The following LSAMP variants were observed in gnomAD, a reference collection of about 807,000 sequenced individuals.
The protein encoded by LSAMP is limbic system-associated membrane protein.
LSAMP carries 7 observed loss-of-function variants against 38.6 expected under a neutral mutation model. The observed-to-expected ratio is 0.18, with a 90% CI of 0.10 to 0.34. The LOEUF (loss-of-function observed/expected upper bound fraction) is 0.34, where lower values mean the gene tolerates loss of function less well. Among genes scored for constraint, LSAMP ranks in the 10% least tolerant of loss-of-function variants. LSAMP has a pLI of 1.00. For synonymous variants in LSAMP, 154 were observed against 166.8 expected, an observed-to-expected ratio of 0.92 and a Z score of 0.59; for missense variants, 313 against 420.0, an observed-to-expected ratio of 0.75 and a Z score of 2.23.
At chr3:116,101,729 CA>C (rs1202224591) in intron 1 of LSAMP, among the ~76,000 whole-genome samples, 1 of 152,020 alleles carries the variant, frequency 6.6e-6, no homozygotes, top group African/African-American at 2.4e-5. Context: ...ATACAATATG[CA>C]GGGGAAACTG....
At chr3:115,977,340 ATAT>A (rs1939218656) in intron 3 of LSAMP, among the ~76,000 whole-genome samples, 1 of 152,214 alleles carries the variant, frequency 6.6e-6, no homozygotes, top group African/African-American at 2.4e-5. Context: ...CTCTGAAGAA[ATAT>A]TATAGGGTTA....
intron 1 of LSAMP, among the ~76,000 whole-genome samples, chr3:116,351,764 C>T (rs1194055344): frequency 6.6e-6 from 1 of 152,100 alleles, no homozygotes; most frequent in African/African-American, 2.4e-5. Flanking sequence ...TCCCTTCAAA[C>T]TAGCTGGCTC....
chr3:115,830,664 G>A (rs1291142512), intron 6 of LSAMP, among the ~76,000 whole-genome samples: 1 of 152,132 alleles, frequency 6.6e-6, no homozygotes, highest in Non-Finnish European at 1.5e-5. Context: ...AAATACTGTT[G>A]TATTAAGGAG....
chr3:115,833,433 T>C (rs1934684477), intron 6 of LSAMP, among the ~76,000 whole-genome samples: 1 of 152,010 alleles, frequency 6.6e-6, no homozygotes, highest in Non-Finnish European at 1.5e-5. Context: ...GTCCTCTTTT[T>C]AAAATTTGAT....
intron 3 of LSAMP, among the ~76,000 whole-genome samples, chr3:115,931,540 G>A (rs1937580647): frequency 6.6e-6 from 1 of 152,158 alleles, no homozygotes; most frequent in Non-Finnish European, 1.5e-5. Flanking sequence ...GGGTCAGAGA[G>A]GGTCCTGTTT....
rs1940188115 is a variant in LSAMP at position 116,007,262 on chromosome 3, G to A, written c.514+12253C>T. 2.7e-5 allele frequency among the ~76,000 whole-genome samples: 4 copies of A among 150,740 alleles called. No individual in the cohort carries two copies. In the Middle Eastern group the frequency reaches 0.01, roughly 387 times the overall value. On this transcript the variant is annotated intron_variant, in intron 3 of 6. Coordinates refer to ENST00000490035, the MANE Select transcript of LSAMP (RefSeq NM_002338.5). ...GATGCATGAAATGAAACGAAGGCAG[G>A]TGACACATAAAGGAAATGACAAGGT...
At chr3:116,094,340 G>C (rs966118919) in intron 1 of LSAMP, among the ~76,000 whole-genome samples, 1 of 152,086 alleles carries the variant, frequency 6.6e-6, no homozygotes, top group Non-Finnish European at 1.5e-5. Context: ...CCTGACCTCT[G>C]GTTGGACCCC....
chr3:115,868,277 G>A (rs774287630), intron 3 of LSAMP, among the ~76,000 whole-genome samples: 1 of 152,106 alleles, frequency 6.6e-6, no homozygotes, highest in Non-Finnish European at 1.5e-5. Context: ...GATGGGACTA[G>A]TTAGCCATTG....
At chr3:116,004,742 G>T (rs1396604911) in intron 3 of LSAMP, among the ~76,000 whole-genome samples, 3 of 151,958 alleles carry the variant, frequency 2.0e-5, no homozygotes, top group Non-Finnish European at 4.4e-5. Context: ...GGAAACAAAT[G>T]AATATGGAAT....
chr3:116,038,916 A>G (rs974505860), intron 2 of LSAMP, among the ~76,000 whole-genome samples: 1 of 152,204 alleles, frequency 6.6e-6, no homozygotes, highest in African/African-American at 2.4e-5. Flanking sequence ...TACCAACCTT[A>G]AGGCAGCATT....
At chr3:116,241,050 G>A (rs1035020153) in intron 1 of LSAMP, among the ~76,000 whole-genome samples, 7 of 151,984 alleles carry the variant, frequency 4.6e-5, no homozygotes, top group Non-Finnish European at 8.8e-5. Flanking sequence ...GGTGGCGCAT[G>A]CCTGTAGTCC....
chr3:116,378,992 C>A (rs2048524793), intron 1 of LSAMP, among the ~76,000 whole-genome samples: 1 of 46,000 alleles, frequency 2.2e-5, no homozygotes, highest in South Asian at 1.5e-3. Context: ...GCTCAGAACA[C>A]ACACACACAC....
At chr3:115,931,696 G>A (rs1415355605) in intron 3 of LSAMP, among the ~76,000 whole-genome samples, 1 of 152,100 alleles carries the variant, frequency 6.6e-6, no homozygotes, top group African/African-American at 2.4e-5. Flanking sequence ...CTATTCTTTG[G>A]AGCACTTAGC....
At chr3:116,164,181 G>T (rs1709973984) in intron 1 of LSAMP, among the ~76,000 whole-genome samples, 1 of 151,984 alleles carries the variant, frequency 6.6e-6, no homozygotes, top group African/African-American at 2.4e-5. Flanking sequence ...TTAAATTCCT[G>T]TCCTATTTAT....
chr3:115,825,565 A>C (rs932221765), intron 6 of LSAMP, among the ~76,000 whole-genome samples: 3 of 152,188 alleles, frequency 2.0e-5, no homozygotes, highest in Admixed American at 6.5e-5. Context: ...AGAAAGCTAA[A>C]CCTAAATACT....
intron 1 of LSAMP, among the ~76,000 whole-genome samples, chr3:116,166,055 C>G (rs530560897): frequency 6.6e-6 from 1 of 152,284 alleles, no homozygotes; most frequent in Admixed American, 6.5e-5. Flanking sequence ...GGCCAGGGAA[C>G]TTGTCTATTT....
In LSAMP at chr3:116,084,163, A is replaced by G. The variant is rs148440501; in HGVS notation, c.388+2161T>C. Reference sequence around the variant, plus strand: ...ATATAAAATAAAGTGAGAAACATCTACCTAAAAGTAATATTATTAGAATTA... The same window carrying G: ...ATATAAAATAAAGTGAGAAACATCTGCCTAAAAGTAATATTATTAGAATTA... On this transcript the variant is annotated intron_variant, in intron 2 of 6. Transcript: ENST00000490035. 8.5e-5 allele frequency among the ~76,000 whole-genome samples: 13 copies of G among 152,266 alleles called. No homozygotes were observed. The East Asian group carries it at 2.5e-3, about 29-fold the overall frequency.
At chr3:116,014,709 T>C (rs1469352702) in intron 3 of LSAMP, among the ~76,000 whole-genome samples, 1 of 152,214 alleles carries the variant, frequency 6.6e-6, no homozygotes, top group African/African-American at 2.4e-5. Flanking sequence ...ACTTGAACTG[T>C]AGAAAATGTG....
intron 1 of LSAMP, among the ~76,000 whole-genome samples, chr3:116,168,275 C>T (rs1055030802): frequency 6.6e-6 from 1 of 151,992 alleles, no homozygotes; most frequent in Non-Finnish European, 1.5e-5. Flanking sequence ...GAGATGATAT[C>T]CCTGGAGGGG....
Sources: gnomAD v4.1 joint callset for allele counts (sites outside exome capture counted in the v4.1 genomes callset) on GRCh38, gnomAD v4.1.1 for gene constraint, MANE v1.5 for transcripts, NCBI Gene and HGNC (gene_info 2026-07-23, HGNC 2026-07-21) for gene names.